The following CEP128 variants were observed in gnomAD, a reference collection of about 807,000 sequenced individuals.
CEP128 encodes centrosomal protein 128kDa.
CEP128 carries 132 observed loss-of-function variants against 156.7 expected under a neutral mutation model. The observed-to-expected ratio is 0.84, with a 90% CI of 0.73 to 0.97. CEP128 has a LOEUF of 0.97. Among genes scored for constraint, CEP128 ranks in the 50% least tolerant of loss-of-function variants. The pLI, the probability that CEP128 is intolerant of heterozygous loss-of-function variation, is 0.00. For synonymous variants in CEP128, 469 were observed against 448.9 expected (o/e 1.04, Z -0.57); for missense variants, 1,252 against 1,281.9 (o/e 0.98, Z 0.36).
intron 19 of CEP128, among the ~76,000 whole-genome samples, chr14:80,701,173 C>T (rs1897061909): frequency 2.0e-5 from 3 of 152,098 alleles, no homozygotes; most frequent in African/African-American, 7.2e-5. Flanking sequence ...ATCACCTTGG[C>T]AGGAAGGAAG....
At chr14:80,944,862 A>AC (rs1886299125), upstream of CEP128, among the ~76,000 whole-genome samples, 3 of 131,122 alleles carry the variant, frequency 2.3e-5, no homozygotes, top group South Asian at 2.5e-4. Context: ...AAAAAACAGA[A>AC]AAAACAGAAC....
At chr14:80,582,891 T>C (rs1289020004) in intron 19 of CEP128, among the ~76,000 whole-genome samples, 2 of 152,158 alleles carry the variant, frequency 1.3e-5, no homozygotes, top group African/African-American at 2.4e-5. Flanking sequence ...GATTGTTTAA[T>C]GGTGCAGTGT....
At chr14:80,613,175 T>C (rs1268459467) in intron 19 of CEP128, among the ~76,000 whole-genome samples, 1 of 151,820 alleles carries the variant, frequency 6.6e-6, no homozygotes, top group Admixed American at 6.6e-5. Flanking sequence ...TCCAAAAGTT[T>C]AGAAATAAAA....
chr14:80,627,802 A>C (rs1395665327), intron 19 of CEP128, among the ~76,000 whole-genome samples: 1 of 151,016 alleles, frequency 6.6e-6, no homozygotes, highest in Non-Finnish European at 1.5e-5. Context: ...TACTTAATGA[A>C]GTAAAAACCA....
chr14:80,809,598 A>G (rs765208467), intron 13 of CEP128, among the ~76,000 whole-genome samples: 1 of 152,178 alleles, frequency 6.6e-6, no homozygotes, highest in Non-Finnish European at 1.5e-5. Context: ...CAAAGAGGAA[A>G]TTCTAAAACC....
At chr14:80,915,031 T>C (rs1025394423) in intron 3 of CEP128, among the ~76,000 whole-genome samples, 2 of 152,168 alleles carry the variant, frequency 1.3e-5, no homozygotes, top group Non-Finnish European at 1.5e-5. Flanking sequence ...TTTACTTACT[T>C]ACATTTTACT....
intron 19 of CEP128, among the ~76,000 whole-genome samples, chr14:80,659,714 C>T (rs113889683): frequency 1.1e-4 from 16 of 152,300 alleles, no homozygotes; most frequent in African/African-American, 2.9e-4. Flanking sequence ...CAGTACCAAT[C>T]GGTTACAGTG....
intron 16 of CEP128, among the ~76,000 whole-genome samples, chr14:80,762,802 G>A (rs1900036463): frequency 6.6e-6 from 1 of 152,100 alleles, no homozygotes; most frequent in African/African-American, 2.4e-5. Flanking sequence ...AAATGGGGCT[G>A]GTAGCCAAGA....
chr14:80,487,594 A>C (rs1225356192), downstream of CEP128, among the ~76,000 whole-genome samples: 21 of 152,082 alleles, frequency 1.4e-4, no homozygotes, highest in East Asian at 4.1e-3. Flanking sequence ...CACCACACCA[A>C]ACCTACTCCA....
At chr14:80,781,638 C>A (rs563455259) in intron 15 of CEP128, among the ~76,000 whole-genome samples, 4,884 of 151,280 alleles carry the variant, frequency 0.032, 243 homozygotes, top group African/African-American at 0.11. Flanking sequence ...ATCCGGGGGG[C>A]TAAAGGAAGG....
At chr14:80,477,937 A>G (rs1886973277) in exon 15 of CEP128, 1 of 152,050 alleles carries the variant, frequency 6.6e-6, no homozygotes, top group Non-Finnish European at 1.5e-5. Context: ...AAAATTCCAT[A>G]TTTACTCATG....
At chr14:80,849,137 A>G (rs1886760406) in intron 9 of CEP128, among the ~76,000 whole-genome samples, 1 of 152,202 alleles carries the variant, frequency 6.6e-6, no homozygotes, top group Admixed American at 6.5e-5. Context: ...CTTGGTGTAA[A>G]GAACAGGAGA....
chr14:80,754,677 T>C (rs1300312193), intron 18 of CEP128, among the ~76,000 whole-genome samples: 1 of 151,768 alleles, frequency 6.6e-6, no homozygotes, highest in Non-Finnish European at 1.5e-5. Flanking sequence ...TTAGCTAGGA[T>C]GGTCTCAATC....
chr14:80,505,638 C>G (rs1171267396), intron 23 of CEP128, among the ~76,000 whole-genome samples: 2 of 152,024 alleles, frequency 1.3e-5, no homozygotes, highest in Admixed American at 6.6e-5. Flanking sequence ...GAAAATGAAC[C>G]CAGAAAAGGT....
intron 2 of CEP128, among the ~76,000 whole-genome samples, chr14:80,922,210 T>C (rs78497527): frequency 0.013 from 2,030 of 152,304 alleles, 26 homozygotes; most frequent in Non-Finnish European, 0.021. Flanking sequence ...GGTAACTGTG[T>C]CCTTTTCCTC....
intron 2 of CEP128, among the ~76,000 whole-genome samples, chr14:80,947,858 C>T (rs1281801752): frequency 6.6e-6 from 1 of 152,192 alleles, no homozygotes; most frequent in Non-Finnish European, 1.5e-5. Flanking sequence ...TAGCTTGAAC[C>T]TACCTGTTCT....
Position 80,497,426 on chromosome 14 carries a change from G to A in CEP128, c.*53C>T. ...TGGGCCAAATTGCTGTAAGAATAGAGATGTTATTATTTGTAACATACTCAT... is the reference window on the plus strand; with the variant it reads ...TGGGCCAAATTGCTGTAAGAATAGAAATGTTATTATTTGTAACATACTCAT... On this transcript the variant is annotated 3_prime_UTR_variant, in exon 25 of 25. Coordinates refer to ENST00000555265, the MANE Select transcript of CEP128 (RefSeq NM_152446.5). 8.3e-7 allele frequency: 1 copy of A among 1,203,464 alleles called. No homozygotes were observed. Among genetic ancestry groups the A allele is most frequent in the Non-Finnish European group, 1.2e-6 (1 of 820,256 alleles). The allele number at this position is 1,203,464 out of a possible 1,614,324, so 74.5% of individuals were successfully genotyped here. A position where few individuals can be genotyped will look rare whatever the true frequency, so the allele number is the denominator to read the frequency against.
chr14:80,922,453 C>T (rs1884918824), intron 2 of CEP128, among the ~76,000 whole-genome samples: 1 of 152,094 alleles, frequency 6.6e-6, no homozygotes, highest in African/African-American at 2.4e-5. Flanking sequence ...TACTGAAGTG[C>T]AGTTACTAGA....
In CEP128 at chr14:80,931,016, G is replaced by A. The variant is rs116951681; in HGVS notation, c.-16+8369C>T. On this transcript the variant is annotated intron_variant, in intron 2 of 24. Transcript: ENST00000555265. ...ATAGTGAGGTACAACTGTTAAAGAGGATTAATGAGTCATCGTGGTATGCAA... is the reference window on the plus strand; with the variant it reads ...ATAGTGAGGTACAACTGTTAAAGAGAATTAATGAGTCATCGTGGTATGCAA... Among the ~76,000 whole-genome samples the A allele has an allele frequency of 8.3e-3, 1,264 of 152,264 alleles. 13 individuals are homozygous for A. Among genetic ancestry groups the A allele is most frequent in the Non-Finnish European group, 0.01 (687 of 68,018 alleles).
Sources: allele counts gnomAD v4.1 joint callset (sites outside exome capture counted in the v4.1 genomes callset), GRCh38; gene constraint gnomAD v4.1.1; transcripts MANE v1.5; gene names NCBI Gene and HGNC (gene_info 2026-07-23, HGNC 2026-07-21).